TIMP4: variants seen among roughly 807,000 people sequenced by gnomAD.
TIMP4 encodes the protein TIMP metallopeptidase inhibitor 4.
Under a neutral mutation model 27.3 loss-of-function variants are expected in TIMP4, and 28 were observed. That is an observed-to-expected ratio of 1.03 (90% CI 0.76 to 1.41). The LOEUF is 1.41. TIMP4 is among the 40% of genes most tolerant of loss of function. TIMP4 has a pLI of 0.00. For synonymous variants in TIMP4, 138 were observed against 115.5 expected, an observed-to-expected ratio of 1.20 and a Z score of -1.25; for missense variants, 307 against 285.5, an observed-to-expected ratio of 1.08 and a Z score of -0.54.
At chr3:12,153,817 CT>C (rs982060267) in intron 4 of TIMP4, 105 bp from the exon 5 acceptor site, 21 of 1,248,524 alleles carry the variant, frequency 1.7e-5, no homozygotes, top group Non-Finnish European at 2.2e-5. Flanking sequence ...CAAATGCCCC[CT>C]ATCTTATCAA....
chr3:12,156,964 T>C (rs778657739), intron 2 of TIMP4, 30 bp from the exon 3 acceptor site: 22 of 1,523,450 alleles, frequency 1.4e-5, no homozygotes, highest in Non-Finnish European at 1.9e-5. Flanking sequence ...AAAGGCAATA[T>C]TGGGTCAGTG....
At position 12,158,854 on chromosome 3, in the gene TIMP4, C is replaced by T. The variant is rs907447432; in HGVS notation, c.-14G>A. The T allele has an allele frequency of 1.1e-5, 17 of 1,555,042 alleles. No individual in the cohort carries two copies. The highest frequency in any genetic ancestry group is 2.4e-5 in the South Asian group (2 of 83,642). On this transcript the variant is annotated 5_prime_UTR_variant, in exon 1 of 5. Transcript: ENST00000287814. ...GCTCCCAGGCATGACACTGCAGATC[C>T]GCGACTGAGCCTGTGAGGTCTGGGG...
Position 12,154,395 on chromosome 3 carries a change from A to C in TIMP4, c.409T>G (p.Trp137Gly), listed in dbSNP as rs780929227. Residue 137 changes from tryptophan (W) to glycine (G), a missense_variant, in exon 4 of 5, where the codon TGG becomes GGG. Transcript: ENST00000287814. The part of the protein sequence containing the change: ...FIHLCNYIEP[W>G]EDLSLVQRES... ...CTCTGCACCAAGGACAGGTCCTCCC[A>C]GGGCTCGATGTAGTTGCACAGATGG... The C allele has an allele frequency of 1.2e-6, 2 of 1,614,214 alleles. No homozygotes were observed. The highest frequency in any genetic ancestry group is 3.3e-5 in the Admixed American group (2 of 60,020).
intron 3 of TIMP4, among the ~76,000 whole-genome samples, chr3:12,156,201 T>C (rs1697452533): frequency 6.6e-6 from 1 of 152,232 alleles, no homozygotes; most frequent in Non-Finnish European, 1.5e-5. Flanking sequence ...TTCTAAATAT[T>C]GTTTTATGTT....
Position 12,157,365 on chromosome 3 carries a change from C to T in TIMP4, c.237+20G>A. On this transcript the variant is annotated intron_variant, in intron 2 of 4. Coordinates refer to ENST00000287814, the MANE Select transcript of TIMP4 (RefSeq NM_003256.4). ...TCCATCAGCCTTAGGGGCTACACAT[C>T]CCAGCCTGCCCCCATGTACCTTTAT... 1.9e-6 allele frequency: 3 copies of T among 1,611,630 alleles called. No homozygotes were observed. Among genetic ancestry groups the T allele is most frequent in the Non-Finnish European group, 2.5e-6 (3 of 1,177,946 alleles).
Position 12,157,461 on chromosome 3 carries a change from C to G in TIMP4, c.161G>C (p.Ser54Thr), listed in dbSNP as rs1300199000. 1 of 1,614,058 alleles carries G rather than the reference C, an allele frequency of 6.2e-7. No individual in the cohort carries two copies. The highest frequency in any genetic ancestry group is 1.3e-5 in the African/African-American group (1 of 74,918). ...TGCACTGGCCGGAACTACCTTCTCA[C>G]TGGAGATTTTGGCCCGAATCACTGC... ...SALVIRAKIS[S>T]EKVVPASADP... Residue 54 changes from serine to threonine, a missense_variant, in exon 2 of 5, where the codon AGT (serine) becomes ACT (threonine). Coordinates refer to ENST00000287814, the MANE Select transcript of TIMP4 (RefSeq NM_003256.4).
chr3:12,158,790 C>T lies in TIMP4; in HGVS notation c.51G>A (p.Leu17=). 6.2e-7 allele frequency: 1 copy of T among 1,603,212 alleles called. No homozygotes were observed. Among genetic ancestry groups the T allele is most frequent in the Non-Finnish European group, 8.5e-7 (1 of 1,178,116 alleles). ...GCCCCGGGGGCCGCAGCAACGCCAG[C>T]AGCCGCAGCAACAGCACCCAGCTTG... ...PAPSWVLLLR[L]LALLRPPGLG... Residue 17 remains leucine, a synonymous_variant, in exon 1 of 5, where the codon CTG becomes CTA. Transcript: ENST00000287814.
chr3:12,155,515 G>A (rs2125229016), intron 3 of TIMP4, among the ~76,000 whole-genome samples: 1 of 152,316 alleles, frequency 6.6e-6, no homozygotes, highest in Non-Finnish European at 1.5e-5. Flanking sequence ...CAGCCTGGCA[G>A]CATACCTTCT....
chr3:12,153,411 G>T lies in TIMP4; in HGVS notation c.*104C>A. The T allele has an allele frequency of 1.5e-6, 2 of 1,334,688 alleles. No individual in the cohort carries two copies. The highest frequency in any genetic ancestry group is 2.1e-6 in the Non-Finnish European group (2 of 933,348). The allele number at this position is 1,334,688 out of a possible 1,614,324, so 82.7% of individuals were successfully genotyped here. A position where few individuals can be genotyped will look rare whatever the true frequency, so the allele number is the denominator to read the frequency against. On this transcript the variant is annotated 3_prime_UTR_variant, in exon 5 of 5. Transcript: ENST00000287814. The stretch of plus-strand genomic sequence containing the variant: ...ACTGTCCACTTGGCACTTCTTATTA[G>T]CTGGCAGCAAGAGGTCAGGTGGTAA...
In TIMP4 at chr3:12,154,394, C is replaced by CA. The variant is rs776070219; in HGVS notation, c.409dup (p.Trp137LeufsTer38). 4 of 1,614,192 alleles carry CA rather than the reference C, an allele frequency of 2.5e-6. No individual in the cohort carries two copies. The highest frequency in any genetic ancestry group is 3.4e-6 in the Non-Finnish European group (4 of 1,180,026). On this transcript the variant is annotated frameshift_variant, in exon 4 of 5. Transcript: ENST00000287814. LOFTEE classifies it high-confidence loss of function. ...CCTCTGCACCAAGGACAGGTCCTCC[C>CA]AGGGCTCGATGTAGTTGCACAGATG...
chr3:12,153,734 A>G (rs1697372930), intron 4 of TIMP4, 22 bp from the exon 5 acceptor site: 3 of 1,613,222 alleles, frequency 1.9e-6, no homozygotes, highest in South Asian at 1.1e-5. Context: ...GCCACACAAC[A>G]TTAAAGTGAG....
chr3:12,157,408 G>A lies in TIMP4; in HGVS notation c.214C>T (p.Arg72Trp), dbSNP rs750080317. 10 of 1,613,998 alleles carry A rather than the reference G, an allele frequency of 6.2e-6. No homozygotes were observed. The highest frequency in any genetic ancestry group is 1.6e-4 in the Middle Eastern group (1 of 6,084). ...ACCTTTATCTGTTTGATTTCATACC[G>A]GAGCATTTTTTCAGTGTCAGCAGGG... ...ADPADTEKML[R>W]YEIKQIKMFK... The change falls in exon 2 of 5, where the codon CGG becomes TGG. Residue 72 changes from arginine (R) to tryptophan (W), a missense_variant. Arg to Trp is a moderately radical substitution (Grantham distance 101, BLOSUM62 -3). Coordinates refer to ENST00000287814, the MANE Select transcript of TIMP4 (RefSeq NM_003256.4).
chr3:12,158,606 T>A lies in TIMP4; in HGVS notation c.139+96A>T, dbSNP rs1697532547. On this transcript the variant is annotated intron_variant, in intron 1 of 4. Transcript: ENST00000287814. ...AGAGACAACCGGTAAGAATTTGAGC[T>A]CCTCCCTTTTCCTCTGGACTCCTGG... 4.0e-5 allele frequency: 61 copies of A among 1,524,950 alleles called. No homozygotes were observed. In the South Asian group the frequency reaches 7.1e-4, roughly 18 times the overall value. The allele number at this position is 1,524,950 out of a possible 1,614,324, so 94.5% of individuals were successfully genotyped here. A position where few individuals can be genotyped will look rare whatever the true frequency, so the allele number is the denominator to read the frequency against.
rs2125227573 is a variant in TIMP4, at chr3:12,154,039, TA to T, written c.477+287del. On this transcript the variant is annotated intron_variant, in intron 4 of 4. Transcript: ENST00000287814. The stretch of plus-strand genomic sequence containing the variant: ...CATAAATATGTTTTGGAGACTAAAT[TA>T]AACATTTACAGTAAATTTACTATTA... 1.3e-5 allele frequency among the ~76,000 whole-genome samples: 2 copies of T among 152,306 alleles called. 1 individual carries two copies. Among genetic ancestry groups the T allele is most frequent in the Non-Finnish European group, 2.9e-5 (2 of 68,018 alleles).
intron 1 of TIMP4, among the ~76,000 whole-genome samples, 167 bp from the exon 2 acceptor site, chr3:12,157,649 C>G (rs1697498445): frequency 6.6e-6 from 1 of 152,118 alleles, no homozygotes; most frequent in Non-Finnish European, 1.5e-5. Flanking sequence ...GGAAACACCT[C>G]CCCTGCAGTC....
At chr3:12,155,327 G>A (rs1697423262) in intron 3 of TIMP4, among the ~76,000 whole-genome samples, 1 of 152,216 alleles carries the variant, frequency 6.6e-6, no homozygotes. Flanking sequence ...TGCAGTATAA[G>A]AACAAAGGAA....
chr3:12,157,443 G>T lies in TIMP4; in HGVS notation c.179C>A (p.Ala60Asp). The T allele has an allele frequency of 6.2e-7, 1 of 1,614,168 alleles. No homozygotes were observed. Among genetic ancestry groups the T allele is most frequent in the Non-Finnish European group, 8.5e-7 (1 of 1,180,032 alleles). Residue 60 changes from alanine to aspartate, a missense_variant, in exon 2 of 5, where the codon GCC (alanine) becomes GAC (aspartate). Physicochemically the swap from Ala to Asp is moderately radical, Grantham distance 126. Coordinates refer to ENST00000287814, the MANE Select transcript of TIMP4 (RefSeq NM_003256.4). ...AKISSEKVVPASADPADTEKM... is the reference protein window; with the variant it reads ...AKISSEKVVPDSADPADTEKM... ...TTCAGTGTCAGCAGGGTCTGCACTG[G>T]CCGGAACTACCTTCTCACTGGAGAT...
intron 3 of TIMP4, 30 bp from the exon 4 acceptor site, chr3:12,154,481 A>G: frequency 6.2e-7 from 1 of 1,611,756 alleles, no homozygotes; most frequent in South Asian, 1.1e-5. Context: ...AGAGTCAAGC[A>G]TCAGGATTCT....
Position 12,154,232 on chromosome 3 carries a change from A to G in TIMP4, c.477+95T>C, listed in dbSNP as rs1446523207. On this transcript the variant is annotated intron_variant, in intron 4 of 4. Coordinates refer to ENST00000287814, the MANE Select transcript of TIMP4 (RefSeq NM_003256.4). ...CCCAACTTCATACAGTGCAGATCTC[A>G]AGTATAGTCTAGTAAGTGAATAAAT... The G allele has an allele frequency of 6.4e-6, 10 of 1,554,004 alleles. 1 individual carries two copies. The South Asian group carries it at 1.1e-4, about 16-fold the overall frequency.
Sources: gnomAD v4.1 joint callset for allele counts (sites outside exome capture counted in the v4.1 genomes callset) on GRCh38, gnomAD v4.1.1 for gene constraint, MANE v1.5 for transcripts, NCBI Gene and HGNC (gene_info 2026-07-23, HGNC 2026-07-21) for gene names.